The following NACC2 variants were observed in gnomAD, a reference collection of about 807,000 sequenced individuals.
NACC2 encodes the protein nucleus accumbens-associated protein 2.
In NACC2, 8 loss-of-function variants were observed where a neutral mutation model predicts 25.1. The observed-to-expected ratio is 0.32, with a 90% CI of 0.19 to 0.57. The LOEUF (loss-of-function observed/expected upper bound fraction) is 0.57, where lower values mean the gene tolerates loss of function less well. Among genes scored for constraint, NACC2 ranks in the 20% least tolerant of loss-of-function variants. The pLI is 0.89. For missense variants in NACC2, 644 were observed against 650.2 expected (o/e 0.99, Z 0.10); for synonymous variants, 435 against 294.7 (o/e 1.48, Z -4.88).
chr9:136,026,918 A>G (rs1840400755), intron 2 of NACC2, among the ~76,000 whole-genome samples: 2 of 152,234 alleles, frequency 1.3e-5, no homozygotes, highest in African/African-American at 4.8e-5. Flanking sequence ...ATGAAAGTCA[A>G]AACACTCCAG....
chr9:136,050,709 C>G (rs924328441), intron 1 of NACC2, 129 bp from the exon 2 acceptor site: 1 of 617,678 alleles, frequency 1.6e-6, no homozygotes, highest in Non-Finnish European at 2.9e-6. Context: ...CGCCCTCCCC[C>G]GCCCCTCCTG....
chr9:136,029,946 G>A (rs566293621), intron 2 of NACC2, among the ~76,000 whole-genome samples: 15 of 152,290 alleles, frequency 9.8e-5, no homozygotes, highest in South Asian at 2.1e-4. Context: ...CAGCAGGCAC[G>A]AGCAAAACTT....
intron 1 of NACC2, 74 bp from the exon 2 acceptor site, chr9:136,050,654 C>A (rs1056999138): frequency 0.019 from 12,493 of 656,602 alleles, 180 homozygotes; most frequent in Non-Finnish European, 0.027. Context: ...GTTCCCACCC[C>A]CTCCTCCCCC....
intron 1 of NACC2, among the ~76,000 whole-genome samples, chr9:136,078,077 A>G (rs1830282129): frequency 6.6e-6 from 1 of 152,204 alleles, no homozygotes; most frequent in African/African-American, 2.4e-5. Context: ...CGGCCCAATC[A>G]TACTTTTATA....
At position 136,022,159 on chromosome 9, in the gene NACC2, G is replaced by A. The variant is rs1840303514; in HGVS notation, c.887-5730C>T. The stretch of plus-strand genomic sequence containing the variant: ...CTCTGGCAACCTGTGAGGGACACTT[G>A]TGAACTTGGTGGCATCAGGCGCAGA... On this transcript the variant is annotated intron_variant, in intron 2 of 5. Transcript: ENST00000277554. This position sits in a 1 kb window ranked among gnomAD's most constrained non-coding sequence, Gnocchi z 4.4. Among the ~76,000 whole-genome samples the A allele has an allele frequency of 6.6e-6, 1 of 152,220 alleles. No homozygotes were observed. The highest frequency in any genetic ancestry group is 2.4e-5 in the African/African-American group (1 of 41,456).
intron 2 of NACC2, among the ~76,000 whole-genome samples, chr9:136,031,992 G>A (rs4842079): frequency 6.6e-6 from 1 of 150,972 alleles, no homozygotes. Flanking sequence ...TAAATGAATG[G>A]GGGGCAAGGG....
intron 1 of NACC2, among the ~76,000 whole-genome samples, chr9:136,057,348 AG>A (rs1046813258): frequency 5.9e-5 from 9 of 152,142 alleles, no homozygotes; most frequent in African/African-American, 2.2e-4. Flanking sequence ...GATGGCTCAG[AG>A]GAAGAGAATG....
chr9:136,090,548 C>T (rs1717417), intron 1 of NACC2, among the ~76,000 whole-genome samples: 144,545 of 152,196 alleles, frequency 0.95, 69,066 homozygotes, highest in East Asian at 1. Context: ...GCAAGTCTTC[C>T]CTCAGCAGGC....
At chr9:136,093,696 A>G (rs1361527151) in intron 1 of NACC2, among the ~76,000 whole-genome samples, 1 of 152,148 alleles carries the variant, frequency 6.6e-6, no homozygotes, top group Non-Finnish European at 1.5e-5. Context: ...ACCACCCAAC[A>G]GTGACCCCAG....
chr9:136,019,770 G>A lies in NACC2; in HGVS notation c.887-3341C>T, dbSNP rs1469370933. ...CAAATGCTGCCCGGGGCGCGGGGTT[G>A]GGGCCTTCAGGGACCCAGAAGGAGC... On this transcript the variant is annotated intron_variant, in intron 2 of 5. Coordinates refer to ENST00000277554, the MANE Select transcript of NACC2 (RefSeq NM_144653.5). The surrounding 1 kb of genome is among the most constrained non-coding windows in gnomAD (Gnocchi z 5.2). 6.6e-6 allele frequency among the ~76,000 whole-genome samples: 1 copy of A among 152,146 alleles called. No homozygotes were observed. The highest frequency in any genetic ancestry group is 1.5e-5 in the Non-Finnish European group (1 of 68,028).
At chr9:136,062,289 C>T (rs190049892) in intron 1 of NACC2, among the ~76,000 whole-genome samples, 47 of 152,294 alleles carry the variant, frequency 3.1e-4, no homozygotes, top group Non-Finnish European at 5.7e-4. Flanking sequence ...AGCAGTCACT[C>T]GCTTACCTAG....
At chr9:136,094,956 C>A (rs536198940) in intron 1 of NACC2, among the ~76,000 whole-genome samples, 1 of 146,110 alleles carries the variant, frequency 6.8e-6, no homozygotes, top group African/African-American at 2.5e-5. Context: ...TCCGCCGGGA[C>A]CCCCCGGCCC....
intron 1 of NACC2, among the ~76,000 whole-genome samples, chr9:136,072,529 G>A (rs189567742): frequency 6.6e-6 from 1 of 151,912 alleles, no homozygotes; most frequent in African/African-American, 2.4e-5. Context: ...TGCACAACAG[G>A]GCAAGACTCT....
chr9:136,083,719 C>T (rs909910355), intron 1 of NACC2, among the ~76,000 whole-genome samples: 1 of 152,246 alleles, frequency 6.6e-6, no homozygotes, highest in African/African-American at 2.4e-5. Flanking sequence ...GGCTTTTGGC[C>T]TCCACCGCTG....
chr9:136,049,585 C>T, intron 2 of NACC2, 51 bp downstream of exon 2: 1 of 737,070 alleles, frequency 1.4e-6, no homozygotes, highest in African/African-American at 1.7e-5. Context: ...GGGTCCCAGG[C>T]AGGCCCCGCT....
chr9:136,076,182 A>G (rs4842101), intron 1 of NACC2, among the ~76,000 whole-genome samples: 39,339 of 152,118 alleles, frequency 0.26, 5,448 homozygotes, highest in East Asian at 0.41. Context: ...AACCAAAAGA[A>G]AAGCAAATGA....
chr9:136,072,578 G>A (rs376853390), intron 1 of NACC2, among the ~76,000 whole-genome samples: 72 of 152,230 alleles, frequency 4.7e-4, no homozygotes, highest in African/African-American at 1.7e-3. Context: ...AAGGCTGGGT[G>A]TGGTGGCTTA....
chr9:136,073,893 A>G (rs776475603), intron 1 of NACC2, among the ~76,000 whole-genome samples: 2 of 152,194 alleles, frequency 1.3e-5, no homozygotes, highest in Non-Finnish European at 2.9e-5. Context: ...GCCCAGAAGC[A>G]GGGTCAGCAG....
chr9:136,057,904 C>T (rs532758632), intron 1 of NACC2, among the ~76,000 whole-genome samples: 58 of 152,276 alleles, frequency 3.8e-4, no homozygotes, highest in Middle Eastern at 6.8e-3. Context: ...TGCTGGGCCC[C>T]GCTGCTGGTC....
Sources: allele counts gnomAD v4.1 joint callset (sites outside exome capture counted in the v4.1 genomes callset), GRCh38; gene constraint gnomAD v4.1.1; non-coding constraint Gnocchi (gnomAD v3.1); transcripts MANE v1.5; gene names NCBI Gene and HGNC (gene_info 2026-07-23, HGNC 2026-07-21).